The following PATJ variants were observed in gnomAD, a reference collection of about 807,000 sequenced individuals.
PATJ encodes inaD-like protein.
A neutral mutation model predicts 224.9 loss-of-function variants in PATJ; 190 were observed. That is an observed-to-expected ratio of 0.84 (90% CI 0.75 to 0.95). PATJ has a LOEUF of 0.95. Ranked by LOEUF, PATJ falls within the 40% of genes least tolerant of loss-of-function variation. PATJ has a pLI of 0.00. For synonymous variants in PATJ, 769 were observed against 820.3 expected (o/e 0.94, Z 1.07); for missense variants, 2,121 against 2,270.3 (o/e 0.93, Z 1.34).
intron 43 of PATJ, among the ~76,000 whole-genome samples, chr1:62,155,991 G>C (rs1427900509): frequency 1.4e-5 from 2 of 146,462 alleles, no homozygotes; most frequent in Non-Finnish European, 3.0e-5. Flanking sequence ...CCGGGAGGCG[G>C]AGCTTGCAGT....
intron 30 of PATJ, among the ~76,000 whole-genome samples, chr1:62,049,121 C>T (rs925959782): frequency 2.6e-5 from 4 of 151,772 alleles, no homozygotes; most frequent in African/African-American, 9.7e-5. Flanking sequence ...TTCTCATAGT[C>T]TCCCCTTACT....
At chr1:61,943,624 G>GGTCT (rs1369705492) in intron 27 of PATJ, among the ~76,000 whole-genome samples, 1 of 152,172 alleles carries the variant, frequency 6.6e-6, no homozygotes, top group Admixed American at 6.5e-5. Context: ...AGCTCAAGGA[G>GGTCT]GCCTGCCTGC....
chr1:62,035,198 C>T (rs895690808), intron 29 of PATJ, among the ~76,000 whole-genome samples: 4 of 152,186 alleles, frequency 2.6e-5, no homozygotes, highest in Non-Finnish European at 5.9e-5. Context: ...AATAGCTAAG[C>T]CATCTCTTAA....
chr1:61,794,763 G>A (rs371323889), intron 9 of PATJ, among the ~76,000 whole-genome samples: 2 of 151,914 alleles, frequency 1.3e-5, no homozygotes, highest in African/African-American at 2.4e-5. Context: ...CGAGGTGGGC[G>A]GATCACCTGA....
intron 41 of PATJ, among the ~76,000 whole-genome samples, chr1:62,137,066 A>G (rs1666985095): frequency 1.3e-5 from 2 of 152,132 alleles, no homozygotes; most frequent in South Asian, 4.1e-4. Flanking sequence ...CTGTTTTTAA[A>G]GAAAGATACT....
At chr1:61,776,133 T>C (rs1646900646) in intron 7 of PATJ, among the ~76,000 whole-genome samples, 1 of 152,230 alleles carries the variant, frequency 6.6e-6, no homozygotes, top group Non-Finnish European at 1.5e-5. Flanking sequence ...CTGATCACTA[T>C]TGCTTCACCT....
intron 41 of PATJ, among the ~76,000 whole-genome samples, chr1:62,146,633 C>T (rs77251636): frequency 2.0e-5 from 3 of 151,882 alleles, no homozygotes; most frequent in Non-Finnish European, 4.4e-5. Flanking sequence ...AAAAATTAGC[C>T]AGGCGTGGTG....
chr1:61,787,452 T>C (rs1648798865), intron 7 of PATJ, among the ~76,000 whole-genome samples: 1 of 152,232 alleles, frequency 6.6e-6, no homozygotes, highest in Non-Finnish European at 1.5e-5. Flanking sequence ...TCTGTCCTCT[T>C]CCTTGCACAC....
intron 27 of PATJ, among the ~76,000 whole-genome samples, chr1:61,961,228 T>C (rs1681229337): frequency 6.6e-6 from 1 of 152,102 alleles, no homozygotes; most frequent in South Asian, 2.1e-4. Flanking sequence ...CACAGTCAAA[T>C]GGATTCCATA....
chr1:61,832,545 A>G (rs1266692724), intron 16 of PATJ, among the ~76,000 whole-genome samples: 1 of 152,102 alleles, frequency 6.6e-6, no homozygotes, highest in Non-Finnish European at 1.5e-5. Context: ...TTTACTTGGT[A>G]CCTTTATTGA....
At chr1:62,076,445 C>T (rs1213394940) in intron 31 of PATJ, among the ~76,000 whole-genome samples, 1 of 152,150 alleles carries the variant, frequency 6.6e-6, no homozygotes, top group Non-Finnish European at 1.5e-5. Context: ...AACAGCAAAT[C>T]CATTCTTTCT....
At chr1:62,063,582 T>G (rs536089941) in intron 31 of PATJ, among the ~76,000 whole-genome samples, 1 of 152,326 alleles carries the variant, frequency 6.6e-6, no homozygotes, top group East Asian at 1.9e-4. Flanking sequence ...ATTGAATGCA[T>G]AGATTGCTTT....
intron 41 of PATJ, among the ~76,000 whole-genome samples, chr1:62,143,761 G>T (rs1012001752): frequency 1.3e-5 from 2 of 152,076 alleles, no homozygotes; most frequent in African/African-American, 4.8e-5. Flanking sequence ...AGCTGGGATT[G>T]TGAGCACGTT....
In PATJ at chr1:62,150,753, C is replaced by T. The variant is rs140551134; in HGVS notation, c.5378+2363C>T. Among the ~76,000 whole-genome samples the T allele has an allele frequency of 4.6e-3, 698 of 151,208 alleles. 4 individuals carry two copies. Among genetic ancestry groups the T allele is most frequent in the African/African-American group, 0.016 (676 of 41,154 alleles). On this transcript the variant is annotated intron_variant, in intron 42 of 43. Coordinates refer to ENST00000642238, the MANE Select transcript of PATJ (RefSeq NM_001350145.3). ...CAAAATAGTTAAGTGTGGTGGCTCA[C>T]TCCTGTAATCCCAGCACTTTGAGAG...
At chr1:61,749,564 A>G (rs1202065915) in intron 1 of PATJ, among the ~76,000 whole-genome samples, 3 of 152,186 alleles carry the variant, frequency 2.0e-5, no homozygotes, top group African/African-American at 4.8e-5. Flanking sequence ...ATTCTCGTCA[A>G]CAGGAGATTG....
At chr1:61,960,015 C>T (rs1240518790) in intron 27 of PATJ, among the ~76,000 whole-genome samples, 1 of 151,778 alleles carries the variant, frequency 6.6e-6, no homozygotes, top group African/African-American at 2.4e-5. Context: ...AGAGCAAGGC[C>T]CCCATTTCTA....
chr1:61,981,582 C>G (rs1644450579), intron 27 of PATJ, among the ~76,000 whole-genome samples: 1 of 151,478 alleles, frequency 6.6e-6, no homozygotes, highest in Non-Finnish European at 1.5e-5. Context: ...TTTTTATGGA[C>G]AGTCCTGCAG....
rs1328246171 is a variant in PATJ at position 62,047,032 on chromosome 1, T to C, written c.4033-3934T>C. The stretch of plus-strand genomic sequence containing the variant: ...GACCAAGAATATCTTATCTTCAATA[T>C]GCATATTGCTGAGAAATGTAAAAGT... On this transcript the variant is annotated intron_variant, in intron 30 of 43. Coordinates refer to ENST00000642238, the MANE Select transcript of PATJ (RefSeq NM_001350145.3). 2.6e-5 allele frequency among the ~76,000 whole-genome samples: 4 copies of C among 152,384 alleles called. No homozygotes were observed. In the East Asian group the frequency reaches 7.7e-4, roughly 29 times the overall value.
chr1:61,827,342 G>A, intron 15 of PATJ, 80 bp from the exon 16 acceptor site: 1 of 1,219,410 alleles, frequency 8.2e-7, no homozygotes, highest in Non-Finnish European at 1.1e-6. Flanking sequence ...TTTTCATTTT[G>A]GTAGATGGAT....
Sources: allele counts gnomAD v4.1 joint callset (sites outside exome capture counted in the v4.1 genomes callset), GRCh38; gene constraint gnomAD v4.1.1; transcripts MANE v1.5; gene names NCBI Gene and HGNC (gene_info 2026-07-23, HGNC 2026-07-21).